ATP6V1A: variants seen among roughly 807,000 people sequenced by gnomAD.
ATP6V1A encodes the protein ATPase H+ transporting V1 subunit A, also known as V-type proton ATPase catalytic subunit A.
A neutral mutation model predicts 70.1 loss-of-function variants in ATP6V1A; 18 were observed. That is an observed-to-expected ratio of 0.26 (90% confidence interval 0.18 to 0.38). ATP6V1A has a LOEUF of 0.38. Among genes scored for constraint, ATP6V1A ranks in the 10% least tolerant of loss-of-function variants. ATP6V1A has a pLI of 1.00. For synonymous variants in ATP6V1A, 232 were observed against 253.8 expected (o/e 0.91, Z 0.82); for missense variants, 424 against 772.4 (o/e 0.55, Z 5.35).
At chr3:113,779,313 A>C (rs1027296126) in intron 2 of ATP6V1A, 13 of 152,226 alleles carry the variant, frequency 8.5e-5, no homozygotes, top group African/African-American at 3.1e-4. Context: ...TAAGTGTCAC[A>C]TTATTAACTA....
At chr3:113,754,262 G>T (rs886513536) in intron 1 of ATP6V1A, among the ~76,000 whole-genome samples, 16 of 152,280 alleles carry the variant, frequency 1.1e-4, no homozygotes, top group Non-Finnish European at 1.9e-4. Flanking sequence ...GGTGGCTCAC[G>T]CCTGTAATCC....
intron 1 of ATP6V1A, among the ~76,000 whole-genome samples, chr3:113,757,224 G>A (rs780877296): frequency 5.9e-5 from 9 of 152,048 alleles, no homozygotes; most frequent in East Asian, 1.9e-4. Flanking sequence ...ACAGTGGGGC[G>A]TGTGTGTGTG....
In ATP6V1A at chr3:113,811,000, T is replaced by C. The variant is rs1709335855; in HGVS notation, c.*1573T>C. ...GGTCACATGAAAAAAAATCATTTTA[T>C]CCGTCTTTTAAGTATATGTTTAAAA... On this transcript the variant is annotated 3_prime_UTR_variant, in exon 15 of 15. Coordinates refer to ENST00000273398, the MANE Select transcript of ATP6V1A (RefSeq NM_001690.4). 6.6e-6 allele frequency: 1 copy of C among 152,212 alleles called. No homozygotes were observed. Among genetic ancestry groups the C allele is most frequent in the Admixed American group, 6.5e-5 (1 of 15,274 alleles). The allele number at this position is 152,212 out of a possible 1,614,324, so 9.4% of individuals were successfully genotyped here. A position where few individuals can be genotyped will look rare whatever the true frequency, so the allele number is the denominator to read the frequency against.
rs1050606907 is a variant in ATP6V1A, at chr3:113,811,745, C to A, written c.*2318C>A. ...CTTCACCTGTTACAGAGTTTCAGAT[C>A]GGTCACTGATAGTATGTATTTCTTT... On this transcript the variant is annotated 3_prime_UTR_variant, in exon 15 of 15. Coordinates refer to ENST00000273398, the MANE Select transcript of ATP6V1A (RefSeq NM_001690.4). 1 of 152,546 alleles carries A rather than the reference C, an allele frequency of 6.6e-6. No individual in the cohort carries two copies. The highest frequency in any genetic ancestry group is 1.5e-5 in the Non-Finnish European group (1 of 68,018). 9.4% of individuals were successfully genotyped at this position (152,546 alleles called of 1,614,324 possible).
At chr3:113,781,395 T>A (rs1708976604) in intron 3 of ATP6V1A, among the ~76,000 whole-genome samples, 1 of 152,052 alleles carries the variant, frequency 6.6e-6, no homozygotes, top group Non-Finnish European at 1.5e-5. Flanking sequence ...CAGGCGCCTG[T>A]AATCCCAGCC....
intron 1 of ATP6V1A, among the ~76,000 whole-genome samples, chr3:113,772,480 CACTTT>C: frequency 6.6e-6 from 1 of 152,322 alleles, no homozygotes; most frequent in Non-Finnish European, 1.5e-5. Flanking sequence ...GTAATCCCAG[CACTTT>C]GGGAGGCCAA....
chr3:113,765,226 C>T (rs1367101837), intron 1 of ATP6V1A, among the ~76,000 whole-genome samples: 1 of 151,742 alleles, frequency 6.6e-6, no homozygotes, highest in Non-Finnish European at 1.5e-5. Context: ...GATGTTTTAT[C>T]TTTTTTTTGG....
At chr3:113,788,939 T>A in intron 7 of ATP6V1A, 64 bp downstream of exon 7, 1 of 1,455,140 alleles carries the variant, frequency 6.9e-7, no homozygotes, top group South Asian at 1.2e-5. Context: ...CATTGACAAT[T>A]AATAAAGCTT....
intron 1 of ATP6V1A, among the ~76,000 whole-genome samples, chr3:113,763,344 C>T (rs1708728209): frequency 6.6e-6 from 1 of 152,220 alleles, no homozygotes; most frequent in Admixed American, 6.5e-5. Flanking sequence ...ACCTTGGCCT[C>T]CCAAAGTGCT....
At chr3:113,798,532 T>C (rs1213231765) in intron 12 of ATP6V1A, 86 bp downstream of exon 12, 25 of 1,138,136 alleles carry the variant, frequency 2.2e-5, no homozygotes, top group Non-Finnish European at 3.0e-5. Context: ...TATTACAGAT[T>C]CTTGCCTAGC....
At position 113,789,596 on chromosome 3, in the gene ATP6V1A, G is replaced by A. The variant is rs1335453691; in HGVS notation, c.880-136G>A. On this transcript the variant is annotated intron_variant, in intron 7 of 14. Coordinates refer to ENST00000273398, the MANE Select transcript of ATP6V1A (RefSeq NM_001690.4). Reference sequence around the variant, plus strand: ...GCAGAGAAGAGAGGTTGGAGTGGTGGGGAATATTACTTTAGGAACACTGAT... The same window carrying A: ...GCAGAGAAGAGAGGTTGGAGTGGTGAGGAATATTACTTTAGGAACACTGAT... The A allele has an allele frequency of 6.9e-6, 4 of 581,158 alleles. No individual in the cohort carries two copies. In the African/African-American group the frequency reaches 7.5e-5, roughly 11 times the overall value. 36.0% of individuals were successfully genotyped at this position (581,158 alleles called of 1,614,324 possible).
chr3:113,795,075 C>A lies in ATP6V1A; in HGVS notation c.1112-15C>A. ...GCTTAGAAACTCTGTTTTAAAATTT[C>A]TTTTCATTTTTCAGATAGTGGATAT... On this transcript the variant is annotated splice_polypyrimidine_tract_variant and intron_variant, in intron 9 of 14. Coordinates refer to ENST00000273398, the MANE Select transcript of ATP6V1A (RefSeq NM_001690.4). 1.2e-6 allele frequency: 2 copies of A among 1,613,462 alleles called. No homozygotes were observed. The highest frequency in any genetic ancestry group is 1.3e-5 in the African/African-American group (1 of 74,934).
intron 8 of ATP6V1A, among the ~76,000 whole-genome samples, chr3:113,790,327 ATTTAC>A (rs1709078032): frequency 6.6e-6 from 1 of 150,724 alleles, no homozygotes; most frequent in African/African-American, 2.4e-5. Flanking sequence ...AAAAAAAAAA[ATTTAC>A]TTACTATGTC....
At chr3:113,782,679 A>G (rs1427585717) in intron 3 of ATP6V1A, among the ~76,000 whole-genome samples, 2 of 150,760 alleles carry the variant, frequency 1.3e-5, no homozygotes, top group African/African-American at 2.4e-5. Context: ...GCTGGAGTGC[A>G]GTAGCATGAT....
At chr3:113,797,885 A>C (rs528486122) in intron 11 of ATP6V1A, among the ~76,000 whole-genome samples, 2 of 152,264 alleles carry the variant, frequency 1.3e-5, no homozygotes, top group South Asian at 4.1e-4. Flanking sequence ...CATGCCTGTA[A>C]TTCCAGCACT....
At chr3:113,755,809 T>G (rs1350810954) in intron 1 of ATP6V1A, among the ~76,000 whole-genome samples, 1 of 152,230 alleles carries the variant, frequency 6.6e-6, no homozygotes, top group Non-Finnish European at 1.5e-5. Context: ...CCTTATTCTT[T>G]TCTTCCCCCA....
Position 113,769,569 on chromosome 3 carries a change from C to A in ATP6V1A, c.-13-9172C>A, listed in dbSNP as rs1708810242. The stretch of plus-strand genomic sequence containing the variant: ...TCACCTCCCCTTTGCCCCCAACAGC[C>A]ATATCATCCAAGACTTTGGTAATAA... On this transcript the variant is annotated intron_variant, in intron 1 of 14. Coordinates refer to ENST00000273398, the MANE Select transcript of ATP6V1A (RefSeq NM_001690.4). Among the ~76,000 whole-genome samples the A allele has an allele frequency of 3.3e-5, 5 of 152,272 alleles. No homozygotes were observed. The South Asian group carries it at 6.2e-4, about 19-fold the overall frequency.
chr3:113,749,261 G>A (rs1045968739), intron 1 of ATP6V1A, among the ~76,000 whole-genome samples: 1 of 111,424 alleles, frequency 9.0e-6, no homozygotes, highest in African/African-American at 3.8e-5. Flanking sequence ...ATTATACACA[G>A]ATCACACACA....
At chr3:113,765,630 A>T (rs1156791452) in intron 1 of ATP6V1A, among the ~76,000 whole-genome samples, 2 of 145,340 alleles carry the variant, frequency 1.4e-5, no homozygotes, top group East Asian at 4.3e-4. Context: ...AGAGAGAGAG[A>T]TGAGTGGCCG....
Sources: gnomAD v4.1 joint callset for allele counts (sites outside exome capture counted in the v4.1 genomes callset) on GRCh38, gnomAD v4.1.1 for gene constraint, MANE v1.5 for transcripts, NCBI Gene and HGNC (gene_info 2026-07-23, HGNC 2026-07-21) for gene names.